Variants in EEFSEC observed in about 807,000 individuals in gnomAD.
The protein encoded by EEFSEC is eukaryotic elongation factor, selenocysteine-tRNA specific, also known as selenocysteine-specific elongation factor.
A neutral mutation model predicts 42.1 loss-of-function variants in EEFSEC; 43 were observed. That is an observed-to-expected ratio of 1.02 (90% CI 0.80 to 1.32). The LOEUF is 1.32. Among genes scored for constraint, EEFSEC ranks in the 40% most tolerant of loss-of-function variants. The pLI is 0.00. For missense variants in EEFSEC, 745 were observed against 803.6 expected (o/e 0.93, Z 0.88); for synonymous variants, 354 against 339.1 (o/e 1.04, Z -0.48).
At chr3:128,296,563 T>C (rs2066708132) in intron 4 of EEFSEC, among the ~76,000 whole-genome samples, 1 of 152,162 alleles carries the variant, frequency 6.6e-6, no homozygotes, top group African/African-American at 2.4e-5. Flanking sequence ...TGCACAGACC[T>C]GCAGGGCCTG....
At chr3:128,186,293 C>T (rs1265318573) in intron 1 of EEFSEC, among the ~76,000 whole-genome samples, 1 of 152,134 alleles carries the variant, frequency 6.6e-6, no homozygotes, top group Admixed American at 6.5e-5. Flanking sequence ...TTATTGTTGA[C>T]TCATAAGAGT....
intron 4 of EEFSEC, among the ~76,000 whole-genome samples, chr3:128,273,429 C>T (rs2066434897): frequency 6.6e-6 from 1 of 152,240 alleles, no homozygotes; most frequent in Non-Finnish European, 1.5e-5. Flanking sequence ...TGTCCTAAAG[C>T]TCTGGCAGGT....
chr3:128,365,847 C>T (rs1439699788), intron 6 of EEFSEC, among the ~76,000 whole-genome samples: 1 of 152,254 alleles, frequency 6.6e-6, no homozygotes, highest in African/African-American at 2.4e-5. Flanking sequence ...TTATACCTTT[C>T]CCTCCTGATT....
intron 1 of EEFSEC, among the ~76,000 whole-genome samples, chr3:128,155,746 C>T (rs1211730032): frequency 6.6e-6 from 1 of 152,198 alleles, no homozygotes; most frequent in Non-Finnish European, 1.5e-5. Flanking sequence ...TAATGGTGAG[C>T]TTGTTAAGTA....
At chr3:128,299,685 C>G (rs183716287) in intron 4 of EEFSEC, among the ~76,000 whole-genome samples, 93 of 152,276 alleles carry the variant, frequency 6.1e-4, no homozygotes, top group African/African-American at 2.0e-3. Context: ...TCCAGGCCAA[C>G]AGCTGACTCC....
intron 4 of EEFSEC, among the ~76,000 whole-genome samples, chr3:128,322,332 G>A (rs894384171): frequency 1.3e-5 from 2 of 152,238 alleles, no homozygotes; most frequent in African/African-American, 2.4e-5. Flanking sequence ...CCCTACCTGG[G>A]AGCCCCTCAG....
intron 1 of EEFSEC, among the ~76,000 whole-genome samples, chr3:128,170,500 A>G (rs552867835): frequency 2.1e-5 from 3 of 142,550 alleles, no homozygotes; most frequent in Non-Finnish European, 4.6e-5. Context: ...GACCACGTCT[A>G]AAAAAAAAAA....
downstream of EEFSEC, among the ~76,000 whole-genome samples, chr3:128,409,162 AG>A (rs1301648780): frequency 6.6e-6 from 1 of 152,250 alleles, no homozygotes; most frequent in Non-Finnish European, 1.5e-5. Flanking sequence ...CAACAGACTG[AG>A]GGGAAATCAA....
At chr3:128,369,433 G>A (rs901628526) in intron 6 of EEFSEC, among the ~76,000 whole-genome samples, 25 of 152,148 alleles carry the variant, frequency 1.6e-4, no homozygotes, top group African/African-American at 5.6e-4. Context: ...GCAGATTCTG[G>A]GGCAACCCCA....
intron 1 of EEFSEC, among the ~76,000 whole-genome samples, chr3:128,220,924 T>C (rs1347012790): frequency 6.6e-6 from 1 of 152,234 alleles, no homozygotes; most frequent in Non-Finnish European, 1.5e-5. Context: ...CCAAGTCTTT[T>C]TGATATGGAG....
At chr3:128,234,023 CTTTTTATT>C (rs1351520032) in intron 1 of EEFSEC, among the ~76,000 whole-genome samples, 6 of 107,656 alleles carry the variant, frequency 5.6e-5, no homozygotes, top group Admixed American at 1.1e-4. Flanking sequence ...CTGTAGTCAT[CTTTTTATT>C]TATTTATTTA....
intron 1 of EEFSEC, among the ~76,000 whole-genome samples, chr3:128,216,715 G>A (rs2065814294): frequency 6.6e-6 from 1 of 152,266 alleles, no homozygotes; most frequent in African/African-American, 2.4e-5. Context: ...GGGGAGCCCT[G>A]TTGGCCCTGC....
intron 1 of EEFSEC, among the ~76,000 whole-genome samples, chr3:128,154,593 G>C (rs1944337996): frequency 6.6e-6 from 1 of 152,054 alleles, no homozygotes. Context: ...GGGATTACAG[G>C]CGCGCGCCAC....
intron 6 of EEFSEC, among the ~76,000 whole-genome samples, chr3:128,378,382 G>A (rs2067734257): frequency 6.6e-6 from 1 of 152,138 alleles, no homozygotes; most frequent in Non-Finnish European, 1.5e-5. Context: ...GTTTCTCAGA[G>A]CCTTAAAAGA....
In EEFSEC at chr3:128,277,968, A is replaced by G. The variant is rs114386713; in HGVS notation, c.786+13187A>G. Reference sequence around the variant, plus strand: ...GAGAGCCTAATGTGTTTGAAAACCTAAAAGGAAGGCATTTGGCATCTGGAC... The same window carrying G: ...GAGAGCCTAATGTGTTTGAAAACCTGAAAGGAAGGCATTTGGCATCTGGAC... On this transcript the variant is annotated intron_variant, in intron 4 of 6. Coordinates refer to ENST00000254730, the MANE Select transcript of EEFSEC (RefSeq NM_021937.5). Among the ~76,000 whole-genome samples the G allele has an allele frequency of 3.2e-3, 493 of 152,316 alleles. 3 individuals are homozygous for G. The highest frequency in any genetic ancestry group is 0.011 in the African/African-American group (459 of 41,582).
At chr3:128,259,586 A>G (rs772977587) in intron 2 of EEFSEC, among the ~76,000 whole-genome samples, 49 of 152,332 alleles carry the variant, frequency 3.2e-4, no homozygotes, top group Admixed American at 2.0e-3. Context: ...CATCACCACT[A>G]TCTAATTCCA....
intron 6 of EEFSEC, among the ~76,000 whole-genome samples, chr3:128,397,214 G>A (rs1253561986): frequency 6.6e-6 from 1 of 152,206 alleles, no homozygotes; most frequent in Non-Finnish European, 1.5e-5. Flanking sequence ...GGAGATGGCT[G>A]CAGCCCCCTG....
At position 128,408,283 on chromosome 3, in the gene EEFSEC, C is replaced by T. The variant is rs925111316; in HGVS notation, c.*24C>T. The T allele has an allele frequency of 5.9e-6, 9 of 1,532,836 alleles. No individual in the cohort carries two copies. The highest frequency in any genetic ancestry group is 7.9e-6 in the Non-Finnish European group (9 of 1,134,416). The allele number at this position is 1,532,836 out of a possible 1,614,324, so 95.0% of individuals were successfully genotyped here. A position where few individuals can be genotyped will look rare whatever the true frequency, so the allele number is the denominator to read the frequency against. ...GAGTGTCCGGTGACCTCCCCCAGGG[C>T]CTCCTTGCCCAGCCCAGTCCAGGCT... On this transcript the variant is annotated 3_prime_UTR_variant, in exon 7 of 7. Coordinates refer to ENST00000254730, the MANE Select transcript of EEFSEC (RefSeq NM_021937.5).
chr3:128,161,423 C>T (rs547911998), intron 1 of EEFSEC, among the ~76,000 whole-genome samples: 8 of 152,190 alleles, frequency 5.3e-5, no homozygotes, highest in African/African-American at 1.9e-4. Flanking sequence ...TCTTTTGTTT[C>T]GGTTGTTAAT....
Sources: allele counts gnomAD v4.1 joint callset (sites outside exome capture counted in the v4.1 genomes callset), GRCh38; gene constraint gnomAD v4.1.1; transcripts MANE v1.5; gene names NCBI Gene and HGNC (gene_info 2026-07-23, HGNC 2026-07-21).